Variants in MAGT1 observed in about 807,000 individuals in gnomAD.
The protein encoded by MAGT1 is magnesium transporter 1.
In MAGT1, 4 loss-of-function variants were observed where a neutral mutation model predicts 28.4. The ratio of observed to expected loss-of-function variants is 0.14; its 90% confidence interval spans 0.07 to 0.32. The LOEUF is 0.32. MAGT1 is among the 10% of genes least tolerant of loss of function. MAGT1 has a pLI of 1.00. For missense variants in MAGT1, 193 were observed against 264.5 expected (o/e 0.73, Z 1.88); for synonymous variants, 89 against 89.7 (o/e 0.99, Z 0.04).
chrX:77,829,360 TG>T (rs2076891692), intron 9 of MAGT1, 125 bp from the exon 10 acceptor site: 1 of 489,046 alleles, frequency 2.0e-6, no homozygotes. Context: ...TGATAATCTT[TG>T]GGTATCAATA....
intron 1 of MAGT1, among the ~76,000 whole-genome samples, chrX:77,888,252 T>C (rs1246329086): frequency 1.8e-5 from 2 of 112,031 alleles, no homozygotes; most frequent in African/African-American, 6.5e-5. Flanking sequence ...ATCAATTTAT[T>C]TCCCTCCTTC....
chrX:77,881,076 A>C (rs1443921667), intron 1 of MAGT1, among the ~76,000 whole-genome samples: 2 of 110,214 alleles, frequency 1.8e-5, no homozygotes, highest in Admixed American at 2.0e-4. Flanking sequence ...AACCAGGAGG[A>C]AGATAGAGAA....
chrX:77,871,274 AG>A (rs1157889548), intron 2 of MAGT1, among the ~76,000 whole-genome samples: 1 of 112,750 alleles, frequency 8.9e-6, no homozygotes, highest in Non-Finnish European at 1.9e-5. Context: ...TACTTCTAAG[AG>A]TTCAAAGACA....
At chrX:77,843,515 C>T (rs911982185) in intron 7 of MAGT1, among the ~76,000 whole-genome samples, 17 of 111,391 alleles carry the variant, frequency 1.5e-4, no homozygotes, top group East Asian at 5.7e-4. Flanking sequence ...GAATTACAGG[C>T]GTGAACCAAT....
At chrX:77,882,688 C>T (rs898773165) in intron 1 of MAGT1, among the ~76,000 whole-genome samples, 12 of 110,278 alleles carry the variant, frequency 1.1e-4, no homozygotes, top group Non-Finnish European at 2.1e-4. Flanking sequence ...AATTTATGGC[C>T]AGGCATGGTG....
At chrX:77,852,692 A>G (rs782183581) in intron 7 of MAGT1, among the ~76,000 whole-genome samples, 2 of 111,176 alleles carry the variant, frequency 1.8e-5, no homozygotes, top group African/African-American at 6.5e-5. Flanking sequence ...CCTGGGCTCA[A>G]TTGATCCTCC....
chrX:77,830,122 G>A (rs1557213234), intron 9 of MAGT1, among the ~76,000 whole-genome samples: 1 of 112,167 alleles, frequency 8.9e-6, no homozygotes, highest in Non-Finnish European at 1.9e-5. Context: ...AGAAGTTCAA[G>A]ACCAGCCTGG....
At chrX:77,846,815 C>T (rs1351359018) in intron 7 of MAGT1, among the ~76,000 whole-genome samples, 5 of 111,383 alleles carry the variant, frequency 4.5e-5, no homozygotes, top group Non-Finnish European at 9.4e-5. Context: ...GAGGAGTACC[C>T]GGCTGTGTGA....
At chrX:77,883,116 T>C in intron 1 of MAGT1, among the ~76,000 whole-genome samples, 1 of 102,408 alleles carries the variant, frequency 9.8e-6, no homozygotes, top group Middle Eastern at 4.7e-3. Flanking sequence ...CATAATTATA[T>C]TATAATATAT....
At chrX:77,880,379 A>T (rs147783306) in intron 1 of MAGT1, among the ~76,000 whole-genome samples, 3,830 of 107,734 alleles carry the variant, frequency 0.036, 76 homozygotes, top group East Asian at 0.081. Flanking sequence ...AATACAAAAA[A>T]TAAGCTGGGC....
At chrX:77,872,364 A>G (rs920382632) in intron 2 of MAGT1, among the ~76,000 whole-genome samples, 2 of 111,682 alleles carry the variant, frequency 1.8e-5, no homozygotes, top group African/African-American at 6.5e-5. Flanking sequence ...CTTACACTGC[A>G]ATATACATCC....
At chrX:77,856,425 A>T in intron 5 of MAGT1, 2 of 188,566 alleles carry the variant, frequency 1.1e-5, no homozygotes, top group South Asian at 1.7e-4. Context: ...GTGACAGACC[A>T]AGACTCCGCC....
intron 3 of MAGT1, among the ~76,000 whole-genome samples, chrX:77,865,144 G>A (rs1001949832): frequency 1.6e-4 from 18 of 111,966 alleles, no homozygotes; most frequent in African/African-American, 5.2e-4. Flanking sequence ...ACTGGAATAT[G>A]AATAGCACAA....
At chrX:77,876,936 C>T (rs1392850874) in intron 1 of MAGT1, among the ~76,000 whole-genome samples, 2 of 101,399 alleles carry the variant, frequency 2.0e-5, no homozygotes, top group Non-Finnish European at 3.9e-5. Flanking sequence ...TCGCTTGAAC[C>T]TGGGAGGCAG....
intron 1 of MAGT1, among the ~76,000 whole-genome samples, chrX:77,889,424 T>G (rs1228438154): frequency 9.6e-6 from 1 of 104,403 alleles, no homozygotes; most frequent in Non-Finnish European, 2.0e-5. Flanking sequence ...CTGGCTGGAG[T>G]GCAGTGGGGC....
intron 3 of MAGT1, among the ~76,000 whole-genome samples, chrX:77,869,910 A>C (rs1390161398): frequency 8.9e-6 from 1 of 111,767 alleles, no homozygotes; most frequent in Non-Finnish European, 1.9e-5. Flanking sequence ...TATCTACCCA[A>C]AGGAAAAGAA....
chrX:77,894,603 A>G lies in MAGT1; in HGVS notation c.102+706T>C, dbSNP rs192466983. Among the ~76,000 whole-genome samples the G allele has an allele frequency of 3.9e-3, 434 of 112,139 alleles. 1 individual carries two copies. Among genetic ancestry groups the G allele is most frequent in the African/African-American group, 0.014 (423 of 30,915 alleles). On this transcript the variant is annotated intron_variant, in intron 1 of 9. Coordinates refer to ENST00000618282, the MANE Select transcript of MAGT1 (RefSeq NM_001367916.1). ...AGTAGTCTTAAAGTCCTAAGAGTAT[A>G]GGACTCCAAATCACAAACGTTTGAA...
In MAGT1 at chrX:77,849,008, C is replaced by G. The variant is rs187139965; in HGVS notation, c.826+4893G>C. ...AAGCCTGGGCAACACAAGATTTCAT[C>G]TCTAAAAAAATAAACATAAAAAAAA... On this transcript the variant is annotated intron_variant, in intron 7 of 9. Coordinates refer to ENST00000618282, the MANE Select transcript of MAGT1 (RefSeq NM_001367916.1). Among the ~76,000 whole-genome samples, 43 of 109,597 alleles carry G rather than the reference C, an allele frequency of 3.9e-4. 1 individual carries two copies. The highest frequency in any genetic ancestry group is 7.6e-5 in the Non-Finnish European group (4 of 52,666).
intron 8 of MAGT1, among the ~76,000 whole-genome samples, chrX:77,834,680 G>T (rs1442979977): frequency 9.1e-6 from 1 of 109,961 alleles, no homozygotes; most frequent in Non-Finnish European, 1.9e-5. Context: ...AAAACAATGG[G>T]GAAACTCTCC....
Sources: gnomAD v4.1 joint callset for allele counts (sites outside exome capture counted in the v4.1 genomes callset) on GRCh38, gnomAD v4.1.1 for gene constraint, MANE v1.5 for transcripts, NCBI Gene and HGNC (gene_info 2026-07-23, HGNC 2026-07-21) for gene names.